Variants in ABCA10 observed in about 807,000 individuals in gnomAD.
ABCA10 encodes the protein ATP binding cassette subfamily A member 10, also known as ATP-binding cassette sub-family A member 10.
In ABCA10, 169 loss-of-function variants were observed where a neutral mutation model predicts 187.5. The ratio of observed to expected loss-of-function variants is 0.90; its 90% CI spans 0.80 to 1.02. The LOEUF is 1.02. Among genes scored for constraint, ABCA10 ranks in the 50% least tolerant of loss-of-function variants. The pLI, the probability that ABCA10 is intolerant of heterozygous loss-of-function variation, is 0.00. For synonymous variants in ABCA10, 574 were observed against 601.8 expected, an observed-to-expected ratio of 0.95 and a Z score of 0.68; for missense variants, 1,727 against 1,812.4, an observed-to-expected ratio of 0.95 and a Z score of 0.86.
At position 69,236,643 on chromosome 17, in the gene ABCA10, C is replaced by T. The variant is rs139791745; in HGVS notation, c.-592-7783G>A. Among the ~76,000 whole-genome samples, 123 of 152,278 alleles carry T rather than the reference C, an allele frequency of 8.1e-4. 1 individual carries two copies. The East Asian group carries it at 0.02, about 25-fold the overall frequency. On this transcript the variant is annotated intron_variant, in intron 1 of 39. Transcript: ENST00000269081. ...TAATTAAAACAAACTTTTCCACTGA[C>T]GCCTTTGGATAAATGAATCAATTTT...
chr17:69,154,355 G>A lies in ABCA10; in HGVS notation c.3695-29C>T, dbSNP rs189436579. On this transcript the variant is annotated intron_variant, in intron 30 of 38. Coordinates refer to ENST00000690296, the MANE Select transcript of ABCA10 (RefSeq NM_001377321.1). ...GAAGAAAGAGTCACCATCAATATTTGAATTTTCAAGGTTGACTAATCTAAA... is the reference window on the plus strand; with the variant it reads ...GAAGAAAGAGTCACCATCAATATTTAAATTTTCAAGGTTGACTAATCTAAA... 2.1e-3 allele frequency: 3,146 copies of A among 1,513,506 alleles called. 15 individuals are homozygous for A. The highest frequency in any genetic ancestry group is 0.016 in the Middle Eastern group (90 of 5,754). The allele number at this position is 1,513,506 out of a possible 1,614,324, so 93.8% of individuals were successfully genotyped here. A position where few individuals can be genotyped will look rare whatever the true frequency, so the allele number is the denominator to read the frequency against.
At position 69,155,067 on chromosome 17, in the gene ABCA10, T is replaced by A. The variant is rs936109155; in HGVS notation, c.3646A>T (p.Arg1216Ter). The A allele has an allele frequency of 2.5e-6, 4 of 1,612,754 alleles. No homozygotes were observed. The highest frequency in any genetic ancestry group is 3.3e-5 in the Admixed American group (2 of 59,992). The change falls in exon 30 of 39, where the codon AGA becomes TGA. Residue 1216 changes from arginine to a stop codon, truncating the protein, a stop_gained. Coordinates refer to ENST00000690296, the MANE Select transcript of ABCA10 (RefSeq NM_001377321.1). LOFTEE classifies it high-confidence loss of function. The part of the protein sequence containing the change: ...YETKKSCFST[R>*]KKKIAIRNVS... ...TTTCTGATGGCTATTTTCTTCTTTC[T>A]TGTTGAAAAGCAACTTTTCTTTGTC...
At position 69,219,745 on chromosome 17, in the gene ABCA10, C is replaced by A. The variant is rs1425578032; in HGVS notation, c.330G>T (p.Glu110Asp). The A allele has an allele frequency of 5.0e-6, 8 of 1,600,288 alleles. No homozygotes were observed. The highest frequency in any genetic ancestry group is 6.8e-6 in the Non-Finnish European group (8 of 1,174,066). ...IEVTTNHSVM[E>D]ELTSVIGINM... ...TTATTCCAATAACTGATGTCAACTC[C>A]TCCATTACAGAATGATTTGTTGTGA... The change falls in exon 6 of 39, where the codon GAG (glutamate) becomes GAT (aspartate). Residue 110 changes from glutamate (E) to aspartate (D), a missense_variant. Coordinates refer to ENST00000690296, the MANE Select transcript of ABCA10 (RefSeq NM_001377321.1).
rs1568055891 is a variant in ABCA10 at position 69,174,589 on chromosome 17, G to A, written c.3048+18C>T. The A allele has an allele frequency of 1.9e-6, 3 of 1,569,026 alleles. No individual in the cohort carries two copies. Among genetic ancestry groups the A allele is most frequent in the Admixed American group, 1.9e-5 (1 of 51,468 alleles). On this transcript the variant is annotated intron_variant, in intron 24 of 38. Transcript: ENST00000690296. The stretch of plus-strand genomic sequence containing the variant: ...ATTCTACTATTATAATTGGCTTGTG[G>A]AAAAAATGATCACTTACCAAAACAA...
intron 9 of ABCA10, among the ~76,000 whole-genome samples, chr17:69,208,703 A>T (rs2144826687): frequency 6.6e-6 from 1 of 152,268 alleles, no homozygotes; most frequent in East Asian, 1.9e-4. Context: ...GCAATGAGAA[A>T]GTAGAGTAGA....
rs942941803 is a variant in ABCA10, at chr17:69,182,675, C to G, written c.2631G>C (p.Lys877Asn). Residue 877 changes from lysine (K) to asparagine (N), a missense_variant and splice_region_variant, in exon 21 of 39, where the codon AAG becomes AAC. Coordinates refer to ENST00000690296, the MANE Select transcript of ABCA10 (RefSeq NM_001377321.1). ...NGAIIVSGDQ[K>N]DYRFSVACNT... ...AAACAGTGCATAGAAGCAAACATAC[C>G]TTCTGGTCACCAGACACTATGATGG... 1 of 1,593,366 alleles carries G rather than the reference C, an allele frequency of 6.3e-7. No homozygotes were observed. Among genetic ancestry groups the G allele is most frequent in the Non-Finnish European group, 8.5e-7 (1 of 1,173,394 alleles).
chr17:69,168,351 A>C (rs972962158), intron 25 of ABCA10, among the ~76,000 whole-genome samples: 1 of 152,154 alleles, frequency 6.6e-6, no homozygotes, highest in Non-Finnish European at 1.5e-5. Flanking sequence ...AACAGGAATC[A>C]TTCTCTTTTA....
At chr17:69,234,575 G>A (rs2074853295) in intron 1 of ABCA10, 1 of 152,194 alleles carries the variant, frequency 6.6e-6, no homozygotes, top group East Asian at 1.9e-4. Context: ...GATCCACTGG[G>A]GTTTCACAAT....
intron 6 of ABCA10, among the ~76,000 whole-genome samples, chr17:69,218,025 T>C (rs1181010676): frequency 1.3e-5 from 2 of 152,172 alleles, no homozygotes; most frequent in Non-Finnish European, 2.9e-5. Context: ...TTCAGAAATT[T>C]AGATTAAATG....
chr17:69,155,225 C>T (rs565483430), intron 29 of ABCA10, 89 bp from the exon 30 acceptor site: 5 of 1,025,826 alleles, frequency 4.9e-6, no homozygotes, highest in Non-Finnish European at 7.3e-6. Flanking sequence ...AGTCTATAAA[C>T]CCAACTAAAT....
chr17:69,195,554 C>CTTTTTTTTTTGTTTTTTTTTTTT (rs2074492343), intron 11 of ABCA10, among the ~76,000 whole-genome samples: 1 of 102,952 alleles, frequency 9.7e-6, no homozygotes, highest in Non-Finnish European at 1.8e-5. Flanking sequence ...TGAAGTTTTT[C>CTTTTTTTTTTGTTTTTTTTTTTT]TTTTTTTTTT....
chr17:69,223,087 T>C (rs1441257406), intron 3 of ABCA10, among the ~76,000 whole-genome samples: 1 of 152,026 alleles, frequency 6.6e-6, no homozygotes, highest in African/African-American at 2.4e-5. Context: ...GAGGAAGTAG[T>C]GGTGAAGATG....
chr17:69,240,940 G>A (rs1030929337), intron 1 of ABCA10, among the ~76,000 whole-genome samples: 19 of 152,250 alleles, frequency 1.2e-4, no homozygotes, highest in African/African-American at 4.1e-4. Flanking sequence ...GGGCCTTGCT[G>A]TACCATCAAT....
chr17:69,206,443 G>A (rs1011790), intron 9 of ABCA10, among the ~76,000 whole-genome samples: 71 of 152,282 alleles, frequency 4.7e-4, no homozygotes, highest in African/African-American at 1.6e-3. Flanking sequence ...CCAGCTGACA[G>A]AGTACAGCAC....
At chr17:69,232,328 CCTTT>C (rs1356625034), upstream of ABCA10, among the ~76,000 whole-genome samples, 4 of 151,908 alleles carry the variant, frequency 2.6e-5, no homozygotes, top group Non-Finnish European at 4.4e-5. Context: ...TTACAATCTT[CCTTT>C]GTGTGTAAAT....
At position 69,190,446 on chromosome 17, in the gene ABCA10, G is replaced by T; in HGVS notation, c.2043C>A (p.Asp681Glu). The T allele has an allele frequency of 1.3e-6, 2 of 1,580,714 alleles. No homozygotes were observed. The highest frequency in any genetic ancestry group is 8.5e-7 in the Non-Finnish European group (1 of 1,170,308). The change falls in exon 18 of 39, where the codon GAC becomes GAA. Residue 681 changes from aspartate (D) to glutamate (E), a missense_variant. Coordinates refer to ENST00000690296, the MANE Select transcript of ABCA10 (RefSeq NM_001377321.1). Reference sequence around the variant, plus strand: ...AAACAGCATAATTCCTTATGCCCTGGTCAGAACACTTATCAAGGTCACTGT... The same window carrying T: ...AAACAGCATAATTCCTTATGCCCTGTTCAGAACACTTATCAAGGTCACTGT... The part of the protein sequence containing the change: ...DLYSDLDKCS[D>E]QGIRNYAVSV...
intron 9 of ABCA10, among the ~76,000 whole-genome samples, chr17:69,207,328 T>C (rs1199976163): frequency 1.3e-5 from 2 of 152,090 alleles, no homozygotes; most frequent in South Asian, 2.1e-4. Flanking sequence ...AAAAATATGA[T>C]GAAGGTTCCC....
At chr17:69,189,218 A>G (rs759883029) in intron 18 of ABCA10, among the ~76,000 whole-genome samples, 1 of 152,066 alleles carries the variant, frequency 6.6e-6, no homozygotes, top group Non-Finnish European at 1.5e-5. Flanking sequence ...TTTTAATAAT[A>G]GCTATTTTGA....
chr17:69,178,463 T>C (rs1227164635), intron 22 of ABCA10, among the ~76,000 whole-genome samples: 1 of 152,152 alleles, frequency 6.6e-6, no homozygotes, highest in Non-Finnish European at 1.5e-5. Context: ...TCACATCTGA[T>C]CTACTAAATC....
Sources: gnomAD v4.1 joint callset for allele counts (sites outside exome capture counted in the v4.1 genomes callset) on GRCh38, gnomAD v4.1.1 for gene constraint, MANE v1.5 for transcripts, NCBI Gene and HGNC (gene_info 2026-07-23, HGNC 2026-07-21) for gene names.